The following LOC128125817 variants were observed in gnomAD, a reference collection of about 807,000 sequenced individuals.
At chr1:41,587,298 A>T in the LOC128125817 span, among the ~76,000 whole-genome samples, 1 of 152,234 alleles carries the variant, frequency 6.6e-6, no homozygotes, top group Non-Finnish European at 1.5e-5. Context: ...ACTGTGTATC[A>T]GCAGAGATTC....
the LOC128125817 span, among the ~76,000 whole-genome samples, chr1:41,591,679 C>T: frequency 6.6e-6 from 1 of 151,898 alleles, no homozygotes; most frequent in Non-Finnish European, 1.5e-5. Flanking sequence ...ACTTCTTGGT[C>T]ACTGGATTTT....
the LOC128125817 span, among the ~76,000 whole-genome samples, chr1:41,620,752 T>G: frequency 6.6e-6 from 1 of 152,012 alleles, no homozygotes; most frequent in Non-Finnish European, 1.5e-5. Flanking sequence ...TAAACTCCAC[T>G]CTCCTTTGTC....
At chr1:41,595,302 C>A in the LOC128125817 span, among the ~76,000 whole-genome samples, 1 of 152,324 alleles carries the variant, frequency 6.6e-6, no homozygotes, top group East Asian at 1.9e-4. Context: ...CTCCCCTTGT[C>A]AGTAATTCTC....
the LOC128125817 span, among the ~76,000 whole-genome samples, chr1:41,624,644 G>A: frequency 6.6e-6 from 1 of 152,228 alleles, no homozygotes. Flanking sequence ...AATGTATTAT[G>A]TGGATTATCA....
At chr1:41,620,204 C>T in the LOC128125817 span, among the ~76,000 whole-genome samples, 2 of 152,208 alleles carry the variant, frequency 1.3e-5, no homozygotes, top group Non-Finnish European at 2.9e-5. Context: ...ACAGGTGGCA[C>T]AGGTGGGTCC....
the LOC128125817 span, among the ~76,000 whole-genome samples, chr1:41,605,442 C>G: frequency 2.2e-3 from 329 of 151,610 alleles, 4 homozygotes; most frequent in Middle Eastern, 0.024. Context: ...TCCAGTACAG[C>G]GGTACACTTC....
chr1:41,623,445 G>GA, the LOC128125817 span, among the ~76,000 whole-genome samples: 1 of 152,096 alleles, frequency 6.6e-6, no homozygotes. Context: ...ATGTAAATAA[G>GA]AAAAAAATGA....
chr1:41,601,743 T>C, the LOC128125817 span, among the ~76,000 whole-genome samples: 1 of 152,202 alleles, frequency 6.6e-6, no homozygotes, highest in Non-Finnish European at 1.5e-5. Context: ...TCTTGCCTAA[T>C]TGCTCTGGCT....
the LOC128125817 span, among the ~76,000 whole-genome samples, chr1:41,600,154 G>C: frequency 1.3e-5 from 2 of 152,200 alleles, no homozygotes; most frequent in East Asian, 3.9e-4. Context: ...GGAAAACACT[G>C]TGGTAGTTCC....
At chr1:41,615,266 C>A in the LOC128125817 span, among the ~76,000 whole-genome samples, 3 of 152,188 alleles carry the variant, frequency 2.0e-5, no homozygotes, top group South Asian at 2.1e-4. Context: ...TAAAGAACTT[C>A]CAGCATGTTC....
At chr1:41,610,449 A>G in the LOC128125817 span, among the ~76,000 whole-genome samples, 326 of 152,368 alleles carry the variant, frequency 2.1e-3, 1 homozygote, top group South Asian at 4.8e-3. Context: ...TGTGAGAACA[A>G]GAGAGTACTG....
At chr1:41,607,040 T>C in the LOC128125817 span, among the ~76,000 whole-genome samples, 2 of 152,070 alleles carry the variant, frequency 1.3e-5, no homozygotes, top group Non-Finnish European at 2.9e-5. Context: ...CTCAGTGTGG[T>C]CTTGAACTCC....
At chr1:41,605,582 T>G in the LOC128125817 span, among the ~76,000 whole-genome samples, 1 of 151,842 alleles carries the variant, frequency 6.6e-6, no homozygotes, top group African/African-American at 2.4e-5. Context: ...GGGTGGTAGA[T>G]GCCATGATAG....
chr1:41,609,072 A>G, the LOC128125817 span, among the ~76,000 whole-genome samples: 1 of 152,062 alleles, frequency 6.6e-6, no homozygotes, highest in Non-Finnish European at 1.5e-5. Context: ...TAAAAAAAAA[A>G]AACGGTTTTC....
At chr1:41,590,701 T>C in the LOC128125817 span, among the ~76,000 whole-genome samples, 11 of 152,118 alleles carry the variant, frequency 7.2e-5, no homozygotes, top group Non-Finnish European at 1.5e-4. Flanking sequence ...TCTGGGAGGC[T>C]GAAAAGGGTT....
At chr1:41,588,151 C>T in the LOC128125817 span, among the ~76,000 whole-genome samples, 1 of 152,238 alleles carries the variant, frequency 6.6e-6, no homozygotes, top group African/African-American at 2.4e-5. Context: ...GTTTGCAGCA[C>T]AGAGAGAACT....
At chr1:41,624,201 C>G in the LOC128125817 span, among the ~76,000 whole-genome samples, 1 of 152,186 alleles carries the variant, frequency 6.6e-6, no homozygotes, top group African/African-American at 2.4e-5. Context: ...TCTCAGCATC[C>G]GTGGCCCCTC....
the LOC128125817 span, among the ~76,000 whole-genome samples, chr1:41,627,155 G>A: frequency 3.3e-5 from 5 of 152,226 alleles, no homozygotes; most frequent in African/African-American, 4.8e-5. Flanking sequence ...GGAGAGCAGG[G>A]TGGTGGCCCA....
At chr1:41,591,793 G>A in the LOC128125817 span, among the ~76,000 whole-genome samples, 4 of 152,092 alleles carry the variant, frequency 2.6e-5, no homozygotes, top group Non-Finnish European at 5.9e-5. Flanking sequence ...AGTCACATGA[G>A]CACATTCCTG....
Sources: gnomAD v4.1 joint callset for allele counts (sites outside exome capture counted in the v4.1 genomes callset) on GRCh38, gnomAD v4.1.1 for gene constraint, MANE v1.5 for transcripts.